PARN: variants seen among roughly 807,000 people sequenced by gnomAD.
The protein encoded by PARN is poly(A)-specific ribonuclease PARN.
In PARN, 71 loss-of-function variants were observed where a neutral mutation model predicts 102.8. That is an observed-to-expected ratio of 0.69 (90% CI 0.57 to 0.84). The LOEUF is 0.84. PARN is among the 40% of genes least tolerant of loss of function. The pLI is 0.00. For synonymous variants in PARN, 261 were observed against 252.9 expected (o/e 1.03, Z -0.30); for missense variants, 782 against 760.9 (o/e 1.03, Z -0.33).
intron 22 of PARN, among the ~76,000 whole-genome samples, chr16:14,470,881 A>G (rs1962700312): frequency 6.6e-6 from 1 of 152,138 alleles, no homozygotes; most frequent in African/African-American, 2.4e-5. Context: ...AGCACAAGCA[A>G]TCCTCCCACC....
At chr16:14,605,665 C>T (rs986959213) in intron 10 of PARN, among the ~76,000 whole-genome samples, 1 of 152,096 alleles carries the variant, frequency 6.6e-6, no homozygotes, top group African/African-American at 2.4e-5. Flanking sequence ...TTTATTTAAT[C>T]TCTAATTTTA....
intron 21 of PARN, among the ~76,000 whole-genome samples, chr16:14,544,676 G>C (rs1966866787): frequency 6.6e-6 from 1 of 152,124 alleles, no homozygotes; most frequent in Non-Finnish European, 1.5e-5. Context: ...AAAAATAATA[G>C]TATTACAAAA....
chr16:14,624,833 C>T (rs1199094922), intron 5 of PARN, among the ~76,000 whole-genome samples: 1 of 152,150 alleles, frequency 6.6e-6, no homozygotes, highest in Non-Finnish European at 1.5e-5. Flanking sequence ...GGGAGGATCA[C>T]CTGAGGTCGG....
intron 21 of PARN, among the ~76,000 whole-genome samples, chr16:14,495,795 TG>T (rs1964283825): frequency 6.6e-6 from 1 of 152,060 alleles, no homozygotes; most frequent in African/African-American, 2.4e-5. Context: ...GAGCACATGG[TG>T]GGGACACATG....
Position 14,436,608 on chromosome 16 carries a change from C to A in PARN, c.*109G>T. On this transcript the variant is annotated 3_prime_UTR_variant, in exon 24 of 24. Coordinates refer to ENST00000437198, the MANE Select transcript of PARN (RefSeq NM_002582.4). The stretch of plus-strand genomic sequence containing the variant: ...CCCAGGAGACAACTTGGTTTCCAAC[C>A]CCTCCCATACCACATTTGATTAAGT... The A allele has an allele frequency of 1.3e-6, 1 of 767,422 alleles. No individual in the cohort carries two copies. Among genetic ancestry groups the A allele is most frequent in the Non-Finnish European group, 2.2e-6 (1 of 461,686 alleles). The allele number at this position is 767,422 out of a possible 1,614,324, so 47.5% of individuals were successfully genotyped here. A position where few individuals can be genotyped will look rare whatever the true frequency, so the allele number is the denominator to read the frequency against.
At chr16:14,600,897 G>A (rs1419175565) in intron 11 of PARN, among the ~76,000 whole-genome samples, 2 of 152,102 alleles carry the variant, frequency 1.3e-5, no homozygotes, top group Non-Finnish European at 2.9e-5. Context: ...TCGCACCATT[G>A]CACTCCAGCC....
intron 7 of PARN, among the ~76,000 whole-genome samples, chr16:14,609,413 T>A (rs2151795816): frequency 6.6e-6 from 1 of 151,720 alleles, no homozygotes; most frequent in Middle Eastern, 3.4e-3. Context: ...AAAAAATAAA[T>A]CTTAAAAATT....
chr16:14,617,591 A>G lies in PARN; in HGVS notation c.387T>C (p.Asn129=). ...QGFDFNKVFR[N]GIPYLNQEEE... ...AAGATAGGTTACCCATAATCTTACC[A>G]TTTCGAAAAACTTTATTAAAATCAA... The change falls in exon 6 of 24, where the codon AAT becomes AAC. Residue 129 remains asparagine, a splice_region_variant and synonymous_variant. Coordinates refer to ENST00000437198, the MANE Select transcript of PARN (RefSeq NM_002582.4). 2.0e-6 allele frequency: 3 copies of G among 1,492,906 alleles called. No homozygotes were observed. The highest frequency in any genetic ancestry group is 2.8e-6 in the Non-Finnish European group (3 of 1,069,484). The allele number at this position is 1,492,906 out of a possible 1,614,324, so 92.5% of individuals were successfully genotyped here.
intron 5 of PARN, among the ~76,000 whole-genome samples, chr16:14,625,470 C>G (rs1411637103): frequency 6.6e-6 from 1 of 152,064 alleles, no homozygotes; most frequent in Admixed American, 6.6e-5. Context: ...ACACTCTAGC[C>G]TGGACAAGAA....
intron 21 of PARN, among the ~76,000 whole-genome samples, chr16:14,501,367 G>T (rs1351963941): frequency 7.3e-6 from 1 of 136,250 alleles, no homozygotes; most frequent in Non-Finnish European, 1.5e-5. Context: ...CAGCTACTTG[G>T]GACGCTGAGG....
Position 14,627,185 on chromosome 16 carries a change from T to C in PARN, c.248A>G (p.Tyr83Cys), listed in dbSNP as rs766039146. ...TFKYDYTDSK[Y>C]ITKSFNFYVF... Reference sequence around the variant, plus strand: ...ATAGAAGTTAAATGACTTCGTTATATACCTGGGATAAGATAAAAGGAGACT... The same window carrying C: ...ATAGAAGTTAAATGACTTCGTTATACACCTGGGATAAGATAAAAGGAGACT... Residue 83 changes from tyrosine to cysteine, a missense_variant and splice_region_variant, in exon 5 of 24, where the codon TAT becomes TGT. Transcript: ENST00000437198. 2.5e-6 allele frequency: 4 copies of C among 1,594,776 alleles called. No individual in the cohort carries two copies. The highest frequency in any genetic ancestry group is 1.1e-5 in the South Asian group (1 of 89,360).
chr16:14,495,823 A>G (rs113993712), intron 21 of PARN, among the ~76,000 whole-genome samples: 2,530 of 152,186 alleles, frequency 0.017, 55 homozygotes, highest in African/African-American at 0.058. Flanking sequence ...AGAGGCACAG[A>G]AGGAGGGAGG....
intron 21 of PARN, chr16:14,501,550 T>C (rs1488225851): frequency 6.6e-6 from 1 of 151,574 alleles, no homozygotes; most frequent in African/African-American, 2.4e-5. Context: ...GTTTATATCT[T>C]ACCCCACCCT....
chr16:14,505,826 A>T (rs1964866668), intron 21 of PARN, among the ~76,000 whole-genome samples: 1 of 152,232 alleles, frequency 6.6e-6, no homozygotes, highest in Non-Finnish European at 1.5e-5. Flanking sequence ...TTTGAATGAC[A>T]TCCTTGCACA....
chr16:14,454,718 CAAATT>C (rs1479704416), intron 22 of PARN, among the ~76,000 whole-genome samples: 1 of 152,158 alleles, frequency 6.6e-6, no homozygotes, highest in African/African-American at 2.4e-5. Context: ...TTGTTTTTTC[CAAATT>C]CTCAACAGTC....
In PARN at chr16:14,586,371, A is replaced by C. The variant is rs1969855959; in HGVS notation, c.919-10T>G. 2 of 1,497,562 alleles carry C rather than the reference A, an allele frequency of 1.3e-6. No individual in the cohort carries two copies. Among genetic ancestry groups the C allele is most frequent in the African/African-American group, 1.4e-5 (1 of 72,294 alleles). The allele number at this position is 1,497,562 out of a possible 1,614,324, so 92.8% of individuals were successfully genotyped here. On this transcript the variant is annotated splice_polypyrimidine_tract_variant and intron_variant, in intron 13 of 23. Transcript: ENST00000437198. ...TAAACTCACTTAAGTCCTAAAGAAC[A>C]AGAGAAGGACTTGTTACAATTTTCC... is the stretch of plus-strand genomic sequence containing the variant.
intron 18 of PARN, chr16:14,564,872 G>T (rs141787115): frequency 6.6e-6 from 1 of 152,194 alleles, no homozygotes; most frequent in Non-Finnish European, 1.5e-5. Flanking sequence ...AGATTTCCAA[G>T]TAAAATTGTA....
chr16:14,459,960 C>T (rs1410340617), intron 22 of PARN, among the ~76,000 whole-genome samples: 1 of 152,030 alleles, frequency 6.6e-6, no homozygotes, highest in Non-Finnish European at 1.5e-5. Context: ...CATACCCATG[C>T]CTCATAACCG....
chr16:14,580,212 C>T lies in PARN; in HGVS notation c.1262+662G>A, dbSNP rs550124602. 1.8e-3 allele frequency among the ~76,000 whole-genome samples: 278 copies of T among 152,132 alleles called. 1 individual carries two copies. Among genetic ancestry groups the T allele is most frequent in the African/African-American group, 6.4e-3 (267 of 41,516 alleles). Reference sequence around the variant, plus strand: ...GTCTCAATCTCCTGACTTCATGATCCGCCTGCCTCAGTCTCCCAAAGTTGG... The same window carrying T: ...GTCTCAATCTCCTGACTTCATGATCTGCCTGCCTCAGTCTCCCAAAGTTGG... On this transcript the variant is annotated intron_variant, in intron 18 of 23. Coordinates refer to ENST00000437198, the MANE Select transcript of PARN (RefSeq NM_002582.4).
Sources: allele counts gnomAD v4.1 joint callset (sites outside exome capture counted in the v4.1 genomes callset), GRCh38; gene constraint gnomAD v4.1.1; transcripts MANE v1.5; gene names NCBI Gene and HGNC (gene_info 2026-07-23, HGNC 2026-07-21).